PLCE1: variants seen among roughly 807,000 people sequenced by gnomAD.
The protein encoded by PLCE1 is 1-phosphatidylinositol 4,5-bisphosphate phosphodiesterase epsilon-1.
Under a neutral mutation model 242.8 loss-of-function variants are expected in PLCE1, and 119 were observed. The ratio of observed to expected loss-of-function variants is 0.49; its 90% CI spans 0.42 to 0.57. The LOEUF (loss-of-function observed/expected upper bound fraction) is 0.57. Among genes scored for constraint, PLCE1 ranks in the 20% least tolerant of loss-of-function variants. The pLI, the probability that PLCE1 is intolerant of heterozygous loss-of-function variation, is 0.00. For missense variants in PLCE1, 2,441 were observed against 2,788.8 expected (o/e 0.88, Z 2.81); for synonymous variants, 945 against 1,017.4 (o/e 0.93, Z 1.35).
At chr10:94,327,939 C>CTAA (rs2054092785) in intron 32 of PLCE1, 29 bp from the exon 33 acceptor site, 1 of 527,222 alleles carries the variant, frequency 1.9e-6, no homozygotes, top group Admixed American at 2.0e-5. Flanking sequence ...TTTCAGTATA[C>CTAA]TAATAAGCCT....
At chr10:94,258,556 C>T (rs1458244417) in intron 11 of PLCE1, among the ~76,000 whole-genome samples, 1 of 152,198 alleles carries the variant, frequency 6.6e-6, no homozygotes, top group Non-Finnish European at 1.5e-5. Context: ...GAATATTAAC[C>T]TCAGCCCTGG....
At chr10:94,255,152 T>A (rs1014903958) in intron 11 of PLCE1, 103 bp downstream of exon 11, 2 of 1,404,940 alleles carry the variant, frequency 1.4e-6, no homozygotes, top group African/African-American at 2.8e-5. Context: ...TTTCACATTT[T>A]GATGTATAGT....
intron 3 of PLCE1, among the ~76,000 whole-genome samples, chr10:94,149,772 A>G (rs929203295): frequency 2.0e-5 from 3 of 152,116 alleles, no homozygotes; most frequent in Non-Finnish European, 1.5e-5. Flanking sequence ...TCCATATTCA[A>G]CAATGATAAA....
chr10:94,024,514 A>G (rs2061425363), intron 1 of PLCE1, among the ~76,000 whole-genome samples: 1 of 152,132 alleles, frequency 6.6e-6, no homozygotes, highest in East Asian at 1.9e-4. Flanking sequence ...GAATACAGGT[A>G]ATTACTACCT....
At chr10:94,006,379 G>T (rs531108620) in intron 1 of PLCE1, among the ~76,000 whole-genome samples, 1 of 152,218 alleles carries the variant, frequency 6.6e-6, no homozygotes, top group Admixed American at 6.5e-5. Context: ...AGAAGGTAAG[G>T]ATCCATGAAA....
chr10:94,088,130 G>A (rs769198925), intron 2 of PLCE1: 2 of 152,182 alleles, frequency 1.3e-5, no homozygotes, highest in Non-Finnish European at 2.9e-5. Context: ...TTACCTAATA[G>A]CTTACCACTA....
At chr10:94,187,104 T>TATCACATA (rs1280575344) in intron 4 of PLCE1, among the ~76,000 whole-genome samples, 1 of 151,758 alleles carries the variant, frequency 6.6e-6, no homozygotes, top group African/African-American at 2.4e-5. Flanking sequence ...ATTTGCCCAA[T>TATCACATA]ATCACATAGG....
chr10:94,025,142 C>G (rs1044097926), intron 1 of PLCE1, among the ~76,000 whole-genome samples: 1 of 152,046 alleles, frequency 6.6e-6, no homozygotes, highest in African/African-American at 2.4e-5. Context: ...GCTATCATGC[C>G]TTTCTTCCAA....
At chr10:94,058,999 G>A (rs893846817) in intron 2 of PLCE1, among the ~76,000 whole-genome samples, 1 of 152,170 alleles carries the variant, frequency 6.6e-6, no homozygotes. Flanking sequence ...CATATAGTTT[G>A]TGATGATCTG....
Position 93,999,803 on chromosome 10 carries a change from G to A in PLCE1, c.-365+5545G>A, listed in dbSNP as rs542466802. ...GCCTCATTCCTGACTCTTTGCTCCA[G>A]CCCGGAATTCCACCACCTCTGGGCC... On this transcript the variant is annotated intron_variant, in intron 1 of 32. Transcript: ENST00000371380. Among the ~76,000 whole-genome samples the A allele has an allele frequency of 5.9e-5, 9 of 152,318 alleles. 1 individual carries two copies. The South Asian group carries it at 1.7e-3, about 28-fold the overall frequency.
intron 4 of PLCE1, among the ~76,000 whole-genome samples, chr10:94,198,615 A>G (rs1444011569): frequency 6.6e-6 from 1 of 152,232 alleles, no homozygotes; most frequent in Non-Finnish European, 1.5e-5. Context: ...CCTCCTTTGT[A>G]GTCATTCCTC....
chr10:94,028,620 A>G (rs536198395), intron 1 of PLCE1, among the ~76,000 whole-genome samples: 4 of 152,114 alleles, frequency 2.6e-5, no homozygotes, highest in Non-Finnish European at 5.9e-5. Context: ...CCATCACACT[A>G]TCTTGTAGTA....
chr10:94,049,198 GT>G (rs976632894), intron 2 of PLCE1, among the ~76,000 whole-genome samples: 5 of 152,084 alleles, frequency 3.3e-5, no homozygotes, highest in Admixed American at 2.0e-4. Context: ...ACTTATTAAA[GT>G]TTTATGAACA....
intron 4 of PLCE1, among the ~76,000 whole-genome samples, chr10:94,215,162 G>A (rs1045072760): frequency 1.3e-5 from 2 of 152,186 alleles, no homozygotes; most frequent in East Asian, 1.9e-4. Context: ...AGATCAAGCA[G>A]GCAGCTCTGG....
chr10:94,097,903 G>A (rs2045374881), intron 2 of PLCE1, among the ~76,000 whole-genome samples: 1 of 152,198 alleles, frequency 6.6e-6, no homozygotes, highest in African/African-American at 2.4e-5. Flanking sequence ...GGTTGAAGGA[G>A]AGGAAAGAGA....
intron 18 of PLCE1, among the ~76,000 whole-genome samples, chr10:94,271,017 C>G (rs1016886850): frequency 6.6e-6 from 1 of 152,050 alleles, no homozygotes; most frequent in African/African-American, 2.4e-5. Context: ...GCAATTAGAC[C>G]TTGGCTGTGA....
rs1242763794 is a variant in PLCE1, at chr10:94,313,342, C to G, written c.6092C>G (p.Thr2031Ser). ...GGGCCAGAGCCCTTTACCGTTTTCA[C>G]TATTAATGGAGGCACCAAGGCAAAG... is the stretch of plus-strand genomic sequence containing the variant. ...VPGPEPFTVFTINGGTKAKQL... is the reference protein window; with the variant it reads ...VPGPEPFTVFSINGGTKAKQL... Residue 2031 changes from threonine (T) to serine (S), a missense_variant, in exon 28 of 33, where the codon ACT becomes AGT. Coordinates refer to ENST00000371380, the MANE Select transcript of PLCE1 (RefSeq NM_016341.4). 1 of 1,614,192 alleles carries G rather than the reference C, an allele frequency of 6.2e-7. No homozygotes were observed. Among genetic ancestry groups the G allele is most frequent in the Non-Finnish European group, 8.5e-7 (1 of 1,180,026 alleles).
chr10:94,216,026 G>A (rs1350675649), intron 4 of PLCE1, among the ~76,000 whole-genome samples: 1 of 152,202 alleles, frequency 6.6e-6, no homozygotes, highest in Non-Finnish European at 1.5e-5. Flanking sequence ...GGCCTGCCTG[G>A]GTTGGAATCC....
intron 2 of PLCE1, among the ~76,000 whole-genome samples, chr10:94,067,390 C>T (rs1307199939): frequency 6.6e-6 from 1 of 152,188 alleles, no homozygotes; most frequent in Non-Finnish European, 1.5e-5. Flanking sequence ...ACTCTTGCTG[C>T]CCCCAAACAT....
Sources: allele counts gnomAD v4.1 joint callset (sites outside exome capture counted in the v4.1 genomes callset), GRCh38; gene constraint gnomAD v4.1.1; transcripts MANE v1.5; gene names NCBI Gene and HGNC (gene_info 2026-07-23, HGNC 2026-07-21).